MYO9A: variants seen among roughly 807,000 people sequenced by gnomAD.
MYO9A encodes unconventional myosin-IXa.
Under a neutral mutation model 293.3 loss-of-function variants are expected in MYO9A, and 103 were observed. The ratio of observed to expected loss-of-function variants is 0.35; its 90% CI spans 0.30 to 0.41. The LOEUF (loss-of-function observed/expected upper bound fraction) is 0.41, where lower values mean the gene tolerates loss of function less well. Ranked by LOEUF, MYO9A falls within the 10% of genes least tolerant of loss-of-function variation. MYO9A has a pLI of 1.00. For synonymous variants in MYO9A, 1,001 were observed against 1,035.7 expected (o/e 0.97, Z 0.64); for missense variants, 2,685 against 3,033.0 (o/e 0.89, Z 2.69).
At chr15:71,879,019 T>A (rs772366105) in intron 30 of MYO9A, among the ~76,000 whole-genome samples, 7 of 152,160 alleles carry the variant, frequency 4.6e-5, no homozygotes, top group Non-Finnish European at 1.0e-4. Flanking sequence ...CCACCCAAAG[T>A]GCTGGGATTA....
At chr15:71,937,588 T>C (rs2058674032) in intron 16 of MYO9A, among the ~76,000 whole-genome samples, 1 of 152,158 alleles carries the variant, frequency 6.6e-6, no homozygotes, top group Non-Finnish European at 1.5e-5. Flanking sequence ...AACATAACTT[T>C]TATATGCACT....
intron 14 of MYO9A, among the ~76,000 whole-genome samples, chr15:71,957,665 A>C (rs186165986): frequency 3.2e-4 from 49 of 152,300 alleles, no homozygotes; most frequent in African/African-American, 1.2e-3. Flanking sequence ...ACAGAAGTAC[A>C]TCAGAGTTAC....
chr15:71,941,352 T>C (rs1011778117), intron 15 of MYO9A, among the ~76,000 whole-genome samples: 1 of 151,980 alleles, frequency 6.6e-6, no homozygotes, highest in Non-Finnish European at 1.5e-5. Flanking sequence ...GGAGAATCGC[T>C]CAAACCCAGA....
At chr15:71,879,931 G>T in intron 29 of MYO9A, 94 bp from the exon 30 acceptor site, 1 of 848,512 alleles carries the variant, frequency 1.2e-6, no homozygotes, top group African/African-American at 1.7e-5. Flanking sequence ...CACAATGACT[G>T]TCCTCAAAGT....
chr15:72,096,160 C>CA (rs990440272), intron 1 of MYO9A, among the ~76,000 whole-genome samples: 705 of 60,904 alleles, frequency 0.012, 2 homozygotes, highest in South Asian at 0.021. Flanking sequence ...GAGACTGTCT[C>CA]AAAAAAAAAA....
rs1461435877 is a variant in MYO9A at position 71,825,559 on chromosome 15, A to ATTGTATGTGAATG, written c.*1008_*1020dup. The ATTGTATGTGAATG allele has an allele frequency of 6.6e-6, 1 of 152,194 alleles. No individual in the cohort carries two copies. The highest frequency in any genetic ancestry group is 1.5e-5 in the Non-Finnish European group (1 of 68,028). The allele number at this position is 152,194 out of a possible 1,614,324, so 9.4% of individuals were successfully genotyped here. A position where few individuals can be genotyped will look rare whatever the true frequency, so the allele number is the denominator to read the frequency against. On this transcript the variant is annotated 3_prime_UTR_variant, in exon 42 of 42. Transcript: ENST00000356056. ...ACACTTACTTACTTATTCATGCAAT[A>ATTGTATGTGAATG]TTGTATGTGAATGTTTTTGGAAACT...
intron 3 of MYO9A, among the ~76,000 whole-genome samples, chr15:72,031,007 G>A (rs1051110646): frequency 1.7e-4 from 26 of 152,254 alleles, no homozygotes; most frequent in East Asian, 5.8e-4. Flanking sequence ...TCAGATCAGC[G>A]GCGGCATTAG....
At chr15:71,849,547 T>C (rs1408778299) in intron 38 of MYO9A, among the ~76,000 whole-genome samples, 1 of 152,020 alleles carries the variant, frequency 6.6e-6, no homozygotes, top group Non-Finnish European at 1.5e-5. Flanking sequence ...TAAATCAGAC[T>C]CTCTGGGGAT....
At position 71,878,123 on chromosome 15, in the gene MYO9A, C is replaced by G. The variant is rs1198184632; in HGVS notation, c.5848G>C (p.Val1950Leu). 1 of 1,612,590 alleles carries G rather than the reference C, an allele frequency of 6.2e-7. No homozygotes were observed. Among genetic ancestry groups the G allele is most frequent in the Middle Eastern group, 1.7e-4 (1 of 6,052 alleles). Residue 1950 changes from valine (V) to leucine (L), a missense_variant, in exon 31 of 42, where the codon GTG becomes CTG. Physicochemically the swap from Val to Leu is conservative, Grantham distance 32 (BLOSUM62 1). This residue lies in a region of MYO9A where 1,434 missense variants were observed against 1,497.7 expected (regional missense o/e 0.96). Coordinates refer to ENST00000356056, the MANE Select transcript of MYO9A (RefSeq NM_006901.4). ...EQRDSLGESP[V>L]RVWVNTFKVF... is the part of the protein sequence containing the mutation. ...TTAAAAGTGTTGACCCAAACTCTCA[C>G]TGGAGATTCACCCAGTGAATCACGC... is the stretch of plus-strand genomic sequence containing the variant.
At chr15:71,859,191 A>G (rs1382809349) in intron 34 of MYO9A, among the ~76,000 whole-genome samples, 2 of 152,244 alleles carry the variant, frequency 1.3e-5, no homozygotes, top group Non-Finnish European at 2.9e-5. Flanking sequence ...TATGTGATTA[A>G]TGAATAAGAA....
chr15:71,949,610 A>G (rs1473849799), intron 15 of MYO9A, among the ~76,000 whole-genome samples: 2 of 151,730 alleles, frequency 1.3e-5, no homozygotes, highest in Admixed American at 6.6e-5. Context: ...TGCATAGCTC[A>G]GCTATTATAG....
At chr15:71,901,701 G>A (rs1293032249) in intron 22 of MYO9A, among the ~76,000 whole-genome samples, 1 of 151,666 alleles carries the variant, frequency 6.6e-6, no homozygotes, top group Non-Finnish European at 1.5e-5. Flanking sequence ...AAGGGAGGAA[G>A]GGAGGGAAAA....
intron 1 of MYO9A, among the ~76,000 whole-genome samples, chr15:72,080,094 G>A (rs1050295939): frequency 3.3e-5 from 5 of 151,932 alleles, no homozygotes; most frequent in Admixed American, 6.6e-5. Flanking sequence ...TTTATTACTC[G>A]GCTGATTATA....
At chr15:71,893,853 C>T in intron 25 of MYO9A, 75 bp from the exon 26 acceptor site, 12 of 1,135,158 alleles carry the variant, frequency 1.1e-5, no homozygotes, top group Non-Finnish European at 1.6e-5. Flanking sequence ...AGACTTCCAG[C>T]AAATTCCATA....
chr15:71,968,206 C>T, intron 12 of MYO9A, 81 bp from the exon 13 acceptor site: 1 of 1,186,954 alleles, frequency 8.4e-7, no homozygotes, highest in Non-Finnish European at 1.1e-6. Flanking sequence ...TTTCAAAGTA[C>T]ATTACAATTA....
chr15:72,071,626 C>T (rs990738453), intron 1 of MYO9A, among the ~76,000 whole-genome samples: 3 of 151,744 alleles, frequency 2.0e-5, no homozygotes, highest in East Asian at 1.9e-4. Context: ...CTGTAATCCC[C>T]GGTTACAGAG....
chr15:71,947,904 G>A (rs773461975), intron 15 of MYO9A, among the ~76,000 whole-genome samples: 60 of 152,080 alleles, frequency 3.9e-4, no homozygotes, highest in Non-Finnish European at 7.9e-4. Context: ...CTTCTTTCTA[G>A]GGCTCCTGTC....
At chr15:72,079,602 A>G (rs1166586118) in intron 1 of MYO9A, among the ~76,000 whole-genome samples, 1 of 152,222 alleles carries the variant, frequency 6.6e-6, no homozygotes, top group Non-Finnish European at 1.5e-5. Context: ...CACATATACC[A>G]AACTGGAAAG....
Position 71,826,976 on chromosome 15 carries a change from C to T in MYO9A, c.7251G>A (p.Lys2417=). ...GKSEPSSKLR[K]QLKKQQDSLD... ...AAGAGTCTTGCTGCTTTTTAAGTTG[C>T]TTTCGCAACTTGCTGGAAGGTTCAG... Residue 2417 remains lysine, a synonymous_variant, in exon 42 of 42, where the codon AAG becomes AAA. Coordinates refer to ENST00000356056, the MANE Select transcript of MYO9A (RefSeq NM_006901.4). The T allele has an allele frequency of 2.5e-6, 4 of 1,613,406 alleles. No individual in the cohort carries two copies. In the South Asian group the frequency reaches 4.4e-5, roughly 18 times the overall value.
Sources: gnomAD v4.1 joint callset for allele counts (sites outside exome capture counted in the v4.1 genomes callset) on GRCh38, gnomAD v4.1.1 for gene constraint, gnomAD v4.1.1 regional missense constraint, MANE v1.5 for transcripts, NCBI Gene and HGNC (gene_info 2026-07-23, HGNC 2026-07-21) for gene names.